The following DCDC2 variants were observed in gnomAD, a reference collection of about 807,000 sequenced individuals.
DCDC2 encodes doublecortin domain containing 2.
A neutral mutation model predicts 50.2 loss-of-function variants in DCDC2; 40 were observed. The observed-to-expected ratio is 0.80, with a 90% CI of 0.62 to 1.04. The LOEUF (loss-of-function observed/expected upper bound fraction) is 1.04, where lower values mean the gene tolerates loss of function less well. DCDC2 is among the 50% of genes least tolerant of loss of function. The probability of loss-of-function intolerance (pLI) is 0.00; values close to 1 mark genes in which losing one functional copy is unlikely to be tolerated. For synonymous variants in DCDC2, 234 were observed against 210.6 expected, an observed-to-expected ratio of 1.11 and a Z score of -0.96; for missense variants, 570 against 581.9, an observed-to-expected ratio of 0.98 and a Z score of 0.21.
chr6:24,333,786 G>C (rs1479722602), intron 2 of DCDC2, among the ~76,000 whole-genome samples: 1 of 152,176 alleles, frequency 6.6e-6, no homozygotes, highest in Non-Finnish European at 1.5e-5. Flanking sequence ...TGGGTGCAAG[G>C]AGACACAGTA....
intron 2 of DCDC2, among the ~76,000 whole-genome samples, chr6:24,352,667 C>T (rs1760394101): frequency 6.6e-6 from 1 of 151,998 alleles, no homozygotes; most frequent in Non-Finnish European, 1.5e-5. Flanking sequence ...CCTATTTGGT[C>T]CTATTAGGCA....
chr6:24,280,047 TGTA>T (rs1763438119), intron 6 of DCDC2, among the ~76,000 whole-genome samples: 1 of 152,218 alleles, frequency 6.6e-6, no homozygotes, highest in Non-Finnish European at 1.5e-5. Flanking sequence ...TGAAAGTAAA[TGTA>T]GTAATATTAA....
intron 8 of DCDC2, among the ~76,000 whole-genome samples, chr6:24,196,540 C>G (rs114755229): frequency 0.026 from 4,009 of 152,254 alleles, 87 homozygotes; most frequent in African/African-American, 0.058. Context: ...CATGCCTCAG[C>G]CTCCCGATTA....
At chr6:24,375,020 A>G in the DCDC2 span, among the ~76,000 whole-genome samples, 1 of 152,176 alleles carries the variant, frequency 6.6e-6, no homozygotes, top group African/African-American at 2.4e-5. Flanking sequence ...TTGGGAATCC[A>G]AGTCTCACCT....
upstream of DCDC2, among the ~76,000 whole-genome samples, chr6:24,361,087 G>A (rs543789012): frequency 1.5e-4 from 23 of 151,896 alleles, no homozygotes; most frequent in South Asian, 4.6e-3. Flanking sequence ...TTTTTCCTTC[G>A]AGATTTCTGT....
At chr6:24,318,049 G>A (rs1759704680) in intron 2 of DCDC2, among the ~76,000 whole-genome samples, 1 of 151,702 alleles carries the variant, frequency 6.6e-6, no homozygotes, top group African/African-American at 2.4e-5. Context: ...TTGATGATAG[G>A]AACACGAATT....
At chr6:24,223,368 G>A (rs1333628582) in intron 7 of DCDC2, among the ~76,000 whole-genome samples, 1 of 152,200 alleles carries the variant, frequency 6.6e-6, no homozygotes, top group African/African-American at 2.4e-5. Flanking sequence ...GAGTGAGTGA[G>A]GCTAACTCTA....
chr6:24,270,400 C>A (rs1763212817), intron 7 of DCDC2, among the ~76,000 whole-genome samples: 1 of 152,166 alleles, frequency 6.6e-6, no homozygotes, highest in Admixed American at 6.5e-5. Flanking sequence ...TGTGCCATTA[C>A]TCAATGCTTA....
intron 7 of DCDC2, among the ~76,000 whole-genome samples, chr6:24,245,220 A>C (rs1237003181): frequency 6.6e-6 from 1 of 152,184 alleles, no homozygotes; most frequent in Non-Finnish European, 1.5e-5. Flanking sequence ...AGCTGAGCTC[A>C]AAAGAAAGGG....
chr6:24,294,648 T>C (rs1763823275), intron 4 of DCDC2, among the ~76,000 whole-genome samples: 1 of 152,060 alleles, frequency 6.6e-6, no homozygotes, highest in Non-Finnish European at 1.5e-5. Flanking sequence ...ATGTTACCAC[T>C]GACCCTACAG....
intron 7 of DCDC2, among the ~76,000 whole-genome samples, chr6:24,243,149 T>C (rs1179741811): frequency 6.6e-6 from 1 of 152,036 alleles, no homozygotes; most frequent in African/African-American, 2.4e-5. Flanking sequence ...ACTGCCAGAC[T>C]CAAACAAGCT....
Position 24,174,838 on chromosome 6 carries a change from G to C in DCDC2, c.1327-4C>G, listed in dbSNP as rs372370231. On this transcript the variant is annotated splice_polypyrimidine_tract_variant and splice_region_variant and intron_variant, in intron 9 of 9. Transcript: ENST00000378454. ...GTCTTTGAGGGTCTACATCAGCCTA[G>C]AAGAAAATAGATCAAAACAAAGGTA... 1 of 1,596,656 alleles carries C rather than the reference G, an allele frequency of 6.3e-7. No individual in the cohort carries two copies. The highest frequency in any genetic ancestry group is 2.2e-5 in the East Asian group (1 of 44,738).
intron 7 of DCDC2, among the ~76,000 whole-genome samples, chr6:24,260,369 T>C (rs763455732): frequency 6.6e-6 from 1 of 152,244 alleles, no homozygotes; most frequent in Non-Finnish European, 1.5e-5. Context: ...TCTCCTTACA[T>C]AGATACTGCC....
intron 7 of DCDC2, among the ~76,000 whole-genome samples, chr6:24,268,965 T>G (rs1238927192): frequency 6.6e-6 from 1 of 152,192 alleles, no homozygotes; most frequent in Non-Finnish European, 1.5e-5. Context: ...TAAGAATAAA[T>G]GGGTAGCTTT....
At chr6:24,351,204 A>C (rs1760363355) in intron 2 of DCDC2, among the ~76,000 whole-genome samples, 1 of 152,202 alleles carries the variant, frequency 6.6e-6, no homozygotes, top group Non-Finnish European at 1.5e-5. Flanking sequence ...TGGCAATGAA[A>C]GTAGGGGCTG....
At chr6:24,321,099 A>G (rs1487353370) in intron 2 of DCDC2, among the ~76,000 whole-genome samples, 1 of 152,208 alleles carries the variant, frequency 6.6e-6, no homozygotes, top group African/African-American at 2.4e-5. Context: ...ATAAATATCT[A>G]AGAATCCATA....
At chr6:24,314,017 G>A (rs1156461131) in intron 2 of DCDC2, among the ~76,000 whole-genome samples, 1 of 152,168 alleles carries the variant, frequency 6.6e-6, no homozygotes, top group African/African-American at 2.4e-5. Flanking sequence ...TGAGTTTCCG[G>A]AGGCAGTCAC....
intron 7 of DCDC2, among the ~76,000 whole-genome samples, chr6:24,242,444 T>C (rs527797286): frequency 6.6e-6 from 1 of 152,180 alleles, no homozygotes; most frequent in African/African-American, 2.4e-5. Context: ...TCTGTCTACC[T>C]GGAGAAGGTT....
At chr6:24,228,469 T>C (rs1212690975) in intron 7 of DCDC2, among the ~76,000 whole-genome samples, 4 of 152,242 alleles carry the variant, frequency 2.6e-5, no homozygotes, top group Non-Finnish European at 4.4e-5. Context: ...AAGCTTTTAC[T>C]GCCTGCCAAG....
Sources: allele counts gnomAD v4.1 joint callset (sites outside exome capture counted in the v4.1 genomes callset), GRCh38; gene constraint gnomAD v4.1.1; transcripts MANE v1.5; gene names NCBI Gene and HGNC (gene_info 2026-07-23, HGNC 2026-07-21).